HPS5: variants seen among roughly 807,000 people sequenced by gnomAD.
HPS5 encodes BLOC-2 complex member HPS5.
Under a neutral mutation model 128.0 loss-of-function variants are expected in HPS5, and 83 were observed. The ratio of observed to expected loss-of-function variants is 0.65; its 90% CI spans 0.54 to 0.78. The LOEUF (loss-of-function observed/expected upper bound fraction) is 0.78, where lower values mean the gene tolerates loss of function less well. HPS5 is among the 30% of genes least tolerant of loss of function. HPS5 has a pLI of 0.00. For synonymous variants in HPS5, 475 were observed against 470.2 expected, an observed-to-expected ratio of 1.01 and a Z score of -0.13; for missense variants, 1,281 against 1,326.2, an observed-to-expected ratio of 0.97 and a Z score of 0.53.
chr11:18,294,485 T>G (rs1170775050), intron 14 of HPS5, among the ~76,000 whole-genome samples: 1 of 152,112 alleles, frequency 6.6e-6, no homozygotes, highest in Non-Finnish European at 1.5e-5. Context: ...AGATCCTTGG[T>G]CATCCTACTC....
intron 8 of HPS5, among the ~76,000 whole-genome samples, chr11:18,305,082 A>G (rs1036824545): frequency 6.6e-6 from 1 of 152,192 alleles, no homozygotes; most frequent in African/African-American, 2.4e-5. Flanking sequence ...AAAAACACAT[A>G]CATCTGTGTG....
At chr11:18,292,382 T>C (rs1484486500) in intron 15 of HPS5, among the ~76,000 whole-genome samples, 1 of 152,006 alleles carries the variant, frequency 6.6e-6, no homozygotes, top group Non-Finnish European at 1.5e-5. Context: ...TTTTGGTATT[T>C]GGGGTTTCAT....
rs752210176 is a variant in HPS5, at chr11:18,291,477, G to C, written c.2405C>G (p.Pro802Arg). ...TTCAATAAAAGTATCCCAAACAGAA[G>C]GGCTATTACTGTAACTAAGCTTGAT... ...ESIKLSYSNS[P>R]SVWDTFIEGL... The change falls in exon 16 of 23, where the codon CCT (proline) becomes CGT (arginine). Residue 802 changes from proline to arginine, a missense_variant. Transcript: ENST00000349215. 1 of 1,611,902 alleles carries C rather than the reference G, an allele frequency of 6.2e-7. No homozygotes were observed. The highest frequency in any genetic ancestry group is 1.1e-5 in the South Asian group (1 of 90,918).
Position 18,282,287 on chromosome 11 carries a change from C to A in HPS5, c.3059-67G>T. On this transcript the variant is annotated intron_variant, in intron 21 of 22. Coordinates refer to ENST00000349215, the MANE Select transcript of HPS5 (RefSeq NM_181507.2). ...ACACTGACTGGATACAGGAGATGGT[C>A]AAAACTGTGAAAATGTTTAATGCCA... 3 of 1,566,140 alleles carry A rather than the reference C, an allele frequency of 1.9e-6. No homozygotes were observed. In the South Asian group the frequency reaches 3.3e-5, roughly 17 times the overall value.
intron 1 of HPS5, among the ~76,000 whole-genome samples, chr11:18,320,105 GA>G (rs753495935): frequency 4.0e-4 from 60 of 151,804 alleles, no homozygotes; most frequent in Non-Finnish European, 7.5e-4. Context: ...CTACTGAAAA[GA>G]AAAAAAGAAT....
At chr11:18,302,977 T>C (rs1861911916) in intron 8 of HPS5, among the ~76,000 whole-genome samples, 1 of 152,112 alleles carries the variant, frequency 6.6e-6, no homozygotes, top group South Asian at 2.1e-4. Context: ...AGCTGATACT[T>C]GTAATTTATA....
chr11:18,314,051 T>C (rs1410422218), intron 2 of HPS5, among the ~76,000 whole-genome samples: 1 of 150,816 alleles, frequency 6.6e-6, no homozygotes, highest in Admixed American at 6.6e-5. Flanking sequence ...CTCTAAAAAA[T>C]ATATAAAAAT....
intron 3 of HPS5, 91 bp downstream of exon 3, chr11:18,311,823 C>A (rs1360618778): frequency 1.0e-6 from 1 of 1,004,098 alleles, no homozygotes; most frequent in African/African-American, 1.6e-5. Flanking sequence ...GTTCTACATT[C>A]TTTTATTCCA....
chr11:18,300,838 A>G lies in HPS5; in HGVS notation c.975T>C (p.Ser325=), dbSNP rs1289756745. Residue 325 remains serine, a synonymous_variant, in exon 9 of 23, where the codon AGT becomes AGC. Coordinates refer to ENST00000349215, the MANE Select transcript of HPS5 (RefSeq NM_181507.2). ...IPQNVQVLLW[S]EVKDIQDVAV... is the part of the protein sequence containing the mutation. ...GAAAAATATAATTACCTTTGACTTC[A>G]CTCCAAAGAAGAACTTGAACATTCT... The G allele has an allele frequency of 3.2e-6, 5 of 1,539,950 alleles. No individual in the cohort carries two copies. The highest frequency in any genetic ancestry group is 1.4e-5 in the African/African-American group (1 of 73,504).
chr11:18,316,311 GAAAGA>G (rs1252199119), intron 2 of HPS5, among the ~76,000 whole-genome samples: 1 of 151,776 alleles, frequency 6.6e-6, no homozygotes, highest in African/African-American at 2.4e-5. Flanking sequence ...AAAAAAAAAA[GAAAGA>G]AAAGAAAATA....
chr11:18,300,735 T>G, intron 9 of HPS5, 93 bp downstream of exon 9: 1 of 664,652 alleles, frequency 1.5e-6, no homozygotes, highest in East Asian at 2.9e-5. Flanking sequence ...TCCCATCCTA[T>G]TTTTCAACTT....
intron 19 of HPS5, among the ~76,000 whole-genome samples, chr11:18,285,963 T>C (rs542001415): frequency 6.6e-6 from 1 of 152,352 alleles, no homozygotes; most frequent in African/African-American, 2.4e-5. Context: ...CACCCAGTTT[T>C]ATCCTCTCAC....
intron 6 of HPS5, 23 bp downstream of exon 6, chr11:18,308,921 GAT>G: frequency 6.2e-7 from 1 of 1,612,594 alleles, no homozygotes; most frequent in Non-Finnish European, 8.5e-7. Flanking sequence ...CTGCATTTCT[GAT>G]GACTAATGGT....
chr11:18,305,803 G>A (rs2134427659), intron 7 of HPS5, among the ~76,000 whole-genome samples: 1 of 150,882 alleles, frequency 6.6e-6, no homozygotes, highest in East Asian at 1.9e-4. Flanking sequence ...CACAATCTTG[G>A]CTCACTGCAA....
chr11:18,287,627 CA>C lies in HPS5; in HGVS notation c.2624del (p.Leu875CysfsTer20), dbSNP rs281865105. ...GACAAAGTTGTATGATATCCGATGG[CA>C]AAATGGATGGAAAGAACTTGATTAA... ...RSLIKFFPSI[L>X]PSDIIQLCHH... is the part of the protein sequence containing the mutation. On this transcript the variant is annotated frameshift_variant, in exon 18 of 23. Coordinates refer to ENST00000349215, the MANE Select transcript of HPS5 (RefSeq NM_181507.2). LOFTEE classifies it high-confidence loss of function. The C allele has an allele frequency of 1.2e-6, 2 of 1,613,970 alleles. No homozygotes were observed. The highest frequency in any genetic ancestry group is 1.7e-6 in the Non-Finnish European group (2 of 1,179,982).
At chr11:18,294,015 C>T (rs371666221) in intron 14 of HPS5, among the ~76,000 whole-genome samples, 1 of 152,332 alleles carries the variant, frequency 6.6e-6, no homozygotes, top group African/African-American at 2.4e-5. Context: ...GCACTGGTCC[C>T]ATGGGTTTCT....
Position 18,305,489 on chromosome 11 carries a change from C to T in HPS5, c.829G>A (p.Glu277Lys). The change falls in exon 8 of 23, where the codon GAA becomes AAA. Residue 277 changes from glutamate to lysine, a missense_variant. Glu to Lys is a moderately conservative substitution (Grantham distance 56). Transcript: ENST00000349215. ...PPLPVITLRS[E>K]PQYDHTAGSS... is the part of the protein sequence containing the mutation. ...CCAGCTGTATGATCATACTGAGGTT[C>T]TGATCTAGAAAGTAAACACATCTGT... is the stretch of plus-strand genomic sequence containing the variant. 6.2e-7 allele frequency: 1 copy of T among 1,601,720 alleles called. No homozygotes were observed. Among genetic ancestry groups the T allele is most frequent in the Non-Finnish European group, 8.6e-7 (1 of 1,169,094 alleles).
rs1860417819 is a variant in HPS5 at position 18,291,628 on chromosome 11, A to C, written c.2254T>G (p.Ser752Ala). Residue 752 changes from serine (S) to alanine (A), a missense_variant, in exon 16 of 23, where the codon TCT becomes GCT. Physicochemically the swap from Ser to Ala is moderately conservative, Grantham distance 99. Transcript: ENST00000349215. ...TLCLELNVLN[S>A]KIKSTSGHVD... ...TGTCCACTGGTGCTTTTGATCTTAG[A>C]ATTCAATACATTCAACTCCAAACAT... The C allele has an allele frequency of 6.2e-7, 1 of 1,614,082 alleles. No individual in the cohort carries two copies. Among genetic ancestry groups the C allele is most frequent in the African/African-American group, 1.3e-5 (1 of 74,930 alleles).
intron 8 of HPS5, among the ~76,000 whole-genome samples, chr11:18,303,159 G>A (rs571273239): frequency 1.3e-5 from 2 of 152,260 alleles, no homozygotes; most frequent in South Asian, 2.1e-4. Context: ...CACAGTGTAC[G>A]AATGAAAAAC....
Sources: allele counts gnomAD v4.1 joint callset (sites outside exome capture counted in the v4.1 genomes callset), GRCh38; gene constraint gnomAD v4.1.1; transcripts MANE v1.5; gene names NCBI Gene and HGNC (gene_info 2026-07-23, HGNC 2026-07-21).